MAP7: variants seen among roughly 807,000 people sequenced by gnomAD.
The protein encoded by MAP7 is microtubule associated protein 7.
Under a neutral mutation model 94.8 loss-of-function variants are expected in MAP7, and 52 were observed. That is an observed-to-expected ratio of 0.55 (90% CI 0.44 to 0.69). The LOEUF is 0.69. Ranked by LOEUF, MAP7 falls within the 30% of genes least tolerant of loss-of-function variation. MAP7 has a pLI of 0.00. For missense variants in MAP7, 940 were observed against 964.6 expected (o/e 0.97, Z 0.34); for synonymous variants, 350 against 357.0 (o/e 0.98, Z 0.22).
chr6:136,488,770 G>T (rs958234746), intron 1 of MAP7, among the ~76,000 whole-genome samples: 1 of 151,940 alleles, frequency 6.6e-6, no homozygotes, highest in African/African-American at 2.4e-5. Flanking sequence ...AAAGTTCTTA[G>T]ATGCAATGAG....
At chr6:136,545,760 T>G (rs1000393241) in intron 1 of MAP7, among the ~76,000 whole-genome samples, 1 of 150,438 alleles carries the variant, frequency 6.6e-6, no homozygotes, top group African/African-American at 2.5e-5. Flanking sequence ...TAAAACAAAT[T>G]TAATTTTTTT....
At chr6:136,355,839 A>G (rs1790753771) in intron 16 of MAP7, among the ~76,000 whole-genome samples, 1 of 152,220 alleles carries the variant, frequency 6.6e-6, no homozygotes, top group Admixed American at 6.5e-5. Flanking sequence ...ATTTTTAGGC[A>G]CAGGCTATGA....
At chr6:136,411,145 C>G (rs1008348984) in intron 3 of MAP7, among the ~76,000 whole-genome samples, 1 of 152,154 alleles carries the variant, frequency 6.6e-6, no homozygotes, top group Non-Finnish European at 1.5e-5. Flanking sequence ...ATTGCAGTTG[C>G]TAACGTCACA....
At chr6:136,460,470 G>A (rs1804834486) in intron 1 of MAP7, among the ~76,000 whole-genome samples, 1 of 152,134 alleles carries the variant, frequency 6.6e-6, no homozygotes, top group Non-Finnish European at 1.5e-5. Context: ...ATAAAAAGAT[G>A]ATTGGAAAAC....
intron 16 of MAP7, among the ~76,000 whole-genome samples, chr6:136,354,380 T>A (rs1271645520): frequency 2.1e-5 from 3 of 143,286 alleles, no homozygotes; most frequent in Admixed American, 1.4e-4. Flanking sequence ...TATATAAAAA[T>A]ATATATAGTA....
At chr6:136,421,826 G>C (rs1582866604) in intron 1 of MAP7, 27 bp from the exon 2 acceptor site, 1 of 1,545,624 alleles carries the variant, frequency 6.5e-7, no homozygotes, top group East Asian at 2.2e-5. Context: ...AAAGAGAAAA[G>C]ACACATTTAG....
chr6:136,346,572 CA>C (rs1787765143), intron 16 of MAP7, among the ~76,000 whole-genome samples: 1 of 151,964 alleles, frequency 6.6e-6, no homozygotes, highest in Admixed American at 6.6e-5. Context: ...TAAACAACAA[CA>C]AAAAAATTTT....
chr6:136,396,255 T>C (rs1295936108), intron 3 of MAP7, among the ~76,000 whole-genome samples: 1 of 152,144 alleles, frequency 6.6e-6, no homozygotes, highest in African/African-American at 2.4e-5. Flanking sequence ...CAGTTTTCCT[T>C]GTAGCAAACT....
intron 1 of MAP7, among the ~76,000 whole-genome samples, chr6:136,465,191 C>T (rs1806574514): frequency 6.6e-6 from 1 of 152,140 alleles, no homozygotes; most frequent in African/African-American, 2.4e-5. Flanking sequence ...TCTACTTTTG[C>T]AGGAAATTGG....
At chr6:136,522,946 G>A (rs958837258) in intron 1 of MAP7, among the ~76,000 whole-genome samples, 63 of 152,114 alleles carry the variant, frequency 4.1e-4, no homozygotes, top group African/African-American at 1.5e-3. Flanking sequence ...GAGGCAGGAC[G>A]ATCACTTGAG....
At chr6:136,459,619 A>C (rs909483771) in intron 1 of MAP7, among the ~76,000 whole-genome samples, 1 of 152,182 alleles carries the variant, frequency 6.6e-6, no homozygotes, top group African/African-American at 2.4e-5. Context: ...TCTCTATTGG[A>C]CATTATGCTA....
At chr6:136,478,465 A>G (rs1413664655) in intron 1 of MAP7, among the ~76,000 whole-genome samples, 1 of 152,098 alleles carries the variant, frequency 6.6e-6, no homozygotes, top group African/African-American at 2.4e-5. Context: ...CCAAACAAAA[A>G]GAGAAACATA....
chr6:136,473,151 C>T (rs999991922), intron 1 of MAP7, among the ~76,000 whole-genome samples: 2 of 152,208 alleles, frequency 1.3e-5, no homozygotes, highest in Admixed American at 6.5e-5. Context: ...GGCACATGCC[C>T]TCACCCTCTC....
At chr6:136,544,921 C>A (rs1347937605) in intron 1 of MAP7, among the ~76,000 whole-genome samples, 1 of 152,090 alleles carries the variant, frequency 6.6e-6, no homozygotes, top group Admixed American at 6.6e-5. Context: ...ATAGCAAGAC[C>A]CGCCCCCCAT....
At chr6:136,364,187 T>G in intron 10 of MAP7, 1 of 513,502 alleles carries the variant, frequency 1.9e-6, no homozygotes, top group Non-Finnish European at 3.9e-6. Context: ...TCATTCTGCA[T>G]GAGGGTGAGG....
Position 136,344,711 on chromosome 6 carries a change from C to G in MAP7, c.2240-473G>C, listed in dbSNP as rs150698582. Among the ~76,000 whole-genome samples the G allele has an allele frequency of 1.3e-4, 20 of 152,300 alleles. No individual in the cohort carries two copies. The East Asian group carries it at 3.7e-3, about 28-fold the overall frequency. On this transcript the variant is annotated intron_variant, in intron 17 of 17. Coordinates refer to ENST00000354570, the MANE Select transcript of MAP7 (RefSeq NM_003980.6). ...GGATTGTTCCCAAAGGCTTAAGAAT[C>G]AGAAAGTCAGACAGGGGAGGGCCCT...
At chr6:136,488,540 G>A (rs1351536820) in intron 1 of MAP7, among the ~76,000 whole-genome samples, 1 of 151,444 alleles carries the variant, frequency 6.6e-6, no homozygotes, top group Admixed American at 6.6e-5. Context: ...CGCCTCCTGG[G>A]TTTAAGCGAT....
intron 16 of MAP7, among the ~76,000 whole-genome samples, chr6:136,348,567 C>CA (rs559305725): frequency 8.1e-4 from 123 of 152,306 alleles, no homozygotes; most frequent in African/African-American, 2.9e-3. Context: ...TTGAAGACCG[C>CA]ACGCTTTGCT....
At chr6:136,381,423 A>C (rs1345720158) in intron 6 of MAP7, among the ~76,000 whole-genome samples, 1 of 151,914 alleles carries the variant, frequency 6.6e-6, no homozygotes, top group African/African-American at 2.4e-5. Context: ...CAAATGATTC[A>C]CCCACTTTGG....
Sources: allele counts gnomAD v4.1 joint callset (sites outside exome capture counted in the v4.1 genomes callset), GRCh38; gene constraint gnomAD v4.1.1; transcripts MANE v1.5; gene names NCBI Gene and HGNC (gene_info 2026-07-23, HGNC 2026-07-21).